The following LRP1B variants were observed in gnomAD, a reference collection of about 807,000 sequenced individuals.
LRP1B encodes low-density lipoprotein receptor-related protein 1B.
LRP1B carries 217 observed loss-of-function variants against 556.6 expected under a neutral mutation model. That is an observed-to-expected ratio of 0.39 (90% confidence interval 0.35 to 0.44). The LOEUF (loss-of-function observed/expected upper bound fraction) is 0.44, where lower values mean the gene tolerates loss of function less well. Ranked by LOEUF, LRP1B falls within the 20% of genes least tolerant of loss-of-function variation. The pLI is 1.00. For synonymous variants in LRP1B, 2,047 were observed against 1,865.8 expected (o/e 1.10, Z -2.50); for missense variants, 5,053 against 5,620.8 (o/e 0.90, Z 3.23).
chr2:140,437,242 A>C (rs1484571793), intron 66 of LRP1B, among the ~76,000 whole-genome samples: 1 of 152,072 alleles, frequency 6.6e-6, no homozygotes. Flanking sequence ...TGTGGATAGA[A>C]GGTCCTTTCT....
At chr2:141,597,420 A>G (rs984737572) in intron 2 of LRP1B, among the ~76,000 whole-genome samples, 15 of 152,174 alleles carry the variant, frequency 9.9e-5, no homozygotes, top group African/African-American at 3.4e-4. Context: ...TGGCCTTCCC[A>G]GTTAAGCACA....
At chr2:140,440,450 T>C (rs1459242473) in intron 66 of LRP1B, among the ~76,000 whole-genome samples, 2 of 152,158 alleles carry the variant, frequency 1.3e-5, no homozygotes, top group Non-Finnish European at 2.9e-5. Context: ...TGGCATAACA[T>C]GGTGAACCTT....
rs113162316 is a variant in LRP1B at position 141,956,567 on chromosome 2, C to T, written c.83-146166G>A. On this transcript the variant is annotated intron_variant, in intron 1 of 90. Coordinates refer to ENST00000389484, the MANE Select transcript of LRP1B (RefSeq NM_018557.3). ...TGTAATAAAATGCTACCTTTTGATG[C>T]CCAGAATTTTAAAATATTAACGCCG... Among the ~76,000 whole-genome samples, 942 of 151,752 alleles carry T rather than the reference C, an allele frequency of 6.2e-3. 10 individuals carry two copies. Among genetic ancestry groups the T allele is most frequent in the African/African-American group, 0.022 (905 of 41,402 alleles).
chr2:141,611,045 A>C (rs1487488808), intron 2 of LRP1B, among the ~76,000 whole-genome samples: 1 of 152,196 alleles, frequency 6.6e-6, no homozygotes, highest in East Asian at 1.9e-4. Flanking sequence ...CTAATTATAC[A>C]AGTGAGCAAG....
intron 6 of LRP1B, among the ~76,000 whole-genome samples, chr2:141,201,988 T>G (rs1192137251): frequency 2.6e-5 from 4 of 152,208 alleles, no homozygotes; most frequent in Non-Finnish European, 5.9e-5. Flanking sequence ...CAGTGGTACA[T>G]ATGGAGGATG....
intron 2 of LRP1B, among the ~76,000 whole-genome samples, chr2:141,646,390 G>A (rs1220083910): frequency 1.3e-5 from 2 of 152,074 alleles, no homozygotes; most frequent in African/African-American, 2.4e-5. Flanking sequence ...CATGGGTAAT[G>A]TTTCATCTCG....
chr2:140,267,133 G>T (rs931576706), intron 86 of LRP1B, among the ~76,000 whole-genome samples: 3 of 151,986 alleles, frequency 2.0e-5, no homozygotes, highest in Non-Finnish European at 2.9e-5. Flanking sequence ...TATGTGAAGG[G>T]TTTAACACAG....
intron 7 of LRP1B, among the ~76,000 whole-genome samples, chr2:141,155,963 C>T (rs1161283677): frequency 2.0e-5 from 3 of 152,100 alleles, no homozygotes; most frequent in African/African-American, 7.2e-5. Flanking sequence ...TGACTCCTTT[C>T]TTCCATAATT....
chr2:141,179,482 A>C (rs535872294), intron 7 of LRP1B, among the ~76,000 whole-genome samples: 4 of 152,188 alleles, frequency 2.6e-5, no homozygotes, highest in African/African-American at 9.6e-5. Context: ...TGGCAAAAAT[A>C]GTTTTGTTTT....
chr2:140,552,885 T>C (rs1255456570), intron 43 of LRP1B, among the ~76,000 whole-genome samples: 2 of 152,184 alleles, frequency 1.3e-5, no homozygotes, highest in African/African-American at 2.4e-5. Context: ...TTGAATTTTC[T>C]TTTTTCAGGA....
intron 2 of LRP1B, among the ~76,000 whole-genome samples, chr2:141,612,383 C>T (rs564165608): frequency 6.6e-6 from 1 of 152,220 alleles, no homozygotes; most frequent in Admixed American, 6.5e-5. Context: ...TTTGAGGAAT[C>T]CCTATTAGAG....
intron 2 of LRP1B, among the ~76,000 whole-genome samples, chr2:141,546,265 G>C (rs972906537): frequency 6.6e-6 from 1 of 152,102 alleles, no homozygotes; most frequent in Non-Finnish European, 1.5e-5. Context: ...TCTGCTGGGG[G>C]AGGCATGTAG....
chr2:140,378,368 G>A, intron 67 of LRP1B, 82 bp from the exon 68 acceptor site: 2 of 695,924 alleles, frequency 2.9e-6, no homozygotes, highest in African/African-American at 1.8e-5. Flanking sequence ...ACATGAGGTA[G>A]CATTAAAGAA....
chr2:140,827,196 A>G (rs923708658), intron 31 of LRP1B, among the ~76,000 whole-genome samples: 1 of 152,194 alleles, frequency 6.6e-6, no homozygotes, highest in Admixed American at 6.5e-5. Flanking sequence ...AAGGCCTTCA[A>G]TGAAAAGCTA....
At chr2:141,241,183 A>C (rs1683861847) in intron 5 of LRP1B, among the ~76,000 whole-genome samples, 1 of 152,110 alleles carries the variant, frequency 6.6e-6, no homozygotes, top group African/African-American at 2.4e-5. Context: ...TCCTGCCATG[A>C]AATGTGATTT....
At chr2:141,782,002 G>A (rs1369421060) in intron 2 of LRP1B, among the ~76,000 whole-genome samples, 9 of 152,116 alleles carry the variant, frequency 5.9e-5, no homozygotes, top group Non-Finnish European at 1.3e-4. Flanking sequence ...TTCTTTGGAA[G>A]TTGGTCTCTG....
chr2:140,260,438 T>G (rs1253907496), intron 86 of LRP1B, among the ~76,000 whole-genome samples: 1 of 151,906 alleles, frequency 6.6e-6, no homozygotes, highest in Non-Finnish European at 1.5e-5. Flanking sequence ...TTTGTTGTAC[T>G]GCCTTTAATA....
At chr2:140,909,474 A>G (rs1454739721) in intron 21 of LRP1B, among the ~76,000 whole-genome samples, 1 of 151,722 alleles carries the variant, frequency 6.6e-6, no homozygotes, top group African/African-American at 2.4e-5. Flanking sequence ...TCAGTTCCAT[A>G]GTTAACTAAA....
At chr2:140,843,073 T>G (rs1294701209) in intron 29 of LRP1B, among the ~76,000 whole-genome samples, 1 of 26,564 alleles carries the variant, frequency 3.8e-5, no homozygotes, top group Non-Finnish European at 8.6e-5. Flanking sequence ...TTTTGTTTTT[T>G]TTTTTTTGTT....
Sources: allele counts gnomAD v4.1 joint callset (sites outside exome capture counted in the v4.1 genomes callset), GRCh38; gene constraint gnomAD v4.1.1; transcripts MANE v1.5; gene names NCBI Gene and HGNC (gene_info 2026-07-23, HGNC 2026-07-21).